The following TMEM9 variants were observed in gnomAD, a reference collection of about 807,000 sequenced individuals.
TMEM9 encodes transmembrane protein 9.
In TMEM9, 13 loss-of-function variants were observed where a neutral mutation model predicts 22.8. The observed-to-expected ratio is 0.57, with a 90% CI of 0.37 to 0.91. The LOEUF is 0.91. Ranked by LOEUF, TMEM9 falls within the 40% of genes least tolerant of loss-of-function variation. The probability of loss-of-function intolerance (pLI) is 0.01; values close to 1 mark genes in which losing one functional copy is unlikely to be tolerated. For synonymous variants in TMEM9, 88 were observed against 93.0 expected (o/e 0.95, Z 0.31); for missense variants, 182 against 238.1 (o/e 0.76, Z 1.55).
rs1229357450 is a variant in TMEM9 at position 201,135,639 on chromosome 1, C to A, written c.*24G>T. 1.9e-6 allele frequency: 3 copies of A among 1,586,502 alleles called. No individual in the cohort carries two copies. Among genetic ancestry groups the A allele is most frequent in the East Asian group, 2.3e-5 (1 of 43,584 alleles). ...AAGCTGGCAGCCATGGTGTTGGGGC[C>A]TTGACCCAACCACACCAGCCCATCT... On this transcript the variant is annotated 3_prime_UTR_variant, in exon 5 of 5. Transcript: ENST00000367330.
chr1:201,139,916 C>T (rs1204361326), intron 4 of TMEM9, among the ~76,000 whole-genome samples: 6 of 152,256 alleles, frequency 3.9e-5, no homozygotes, highest in Non-Finnish European at 7.3e-5. Context: ...TGCTGTGCTG[C>T]CCCACTGGAG....
At chr1:201,143,067 G>A (rs1664668471) in intron 4 of TMEM9, among the ~76,000 whole-genome samples, 1 of 152,244 alleles carries the variant, frequency 6.6e-6, no homozygotes, top group South Asian at 2.1e-4. Flanking sequence ...GACAGCGCTT[G>A]TTAACTGCAC....
chr1:201,150,692 G>A (rs1400292292), intron 2 of TMEM9, among the ~76,000 whole-genome samples: 1 of 152,200 alleles, frequency 6.6e-6, no homozygotes, highest in African/African-American at 2.4e-5. Context: ...AAATTCTCGA[G>A]TGTTGCTCTG....
chr1:201,160,723 T>G (rs1665921490), intron 1 of TMEM9, among the ~76,000 whole-genome samples: 1 of 152,016 alleles, frequency 6.6e-6, no homozygotes, highest in Middle Eastern at 3.4e-3. Context: ...GATCACGAAG[T>G]CAGGAGATCG....
intron 4 of TMEM9, among the ~76,000 whole-genome samples, chr1:201,137,099 G>A (rs1664064868): frequency 6.6e-6 from 1 of 152,254 alleles, no homozygotes; most frequent in East Asian, 1.9e-4. Flanking sequence ...CCTTCTGGGA[G>A]CCTCCCGCCC....
upstream of TMEM9, among the ~76,000 whole-genome samples, chr1:201,155,004 C>T (rs765998980): frequency 3.9e-4 from 60 of 152,258 alleles, no homozygotes; most frequent in Admixed American, 1.3e-4. Context: ...TCAGCCTGAT[C>T]CCCCTACCCC....
chr1:201,156,392 A>C (rs984120089), upstream of TMEM9, among the ~76,000 whole-genome samples: 2 of 151,948 alleles, frequency 1.3e-5, no homozygotes, highest in Non-Finnish European at 2.9e-5. Context: ...TCTTCCTCCA[A>C]TTCTGTTTTC....
At chr1:201,167,047 A>G (rs1666095274) in intron 1 of TMEM9, among the ~76,000 whole-genome samples, 2 of 152,158 alleles carry the variant, frequency 1.3e-5, no homozygotes, top group South Asian at 4.1e-4. Context: ...ATAGAGATGT[A>G]TTTTTTTATT....
intron 2 of TMEM9, among the ~76,000 whole-genome samples, chr1:201,150,054 C>A (rs531424535): frequency 1.1e-4 from 17 of 152,310 alleles, no homozygotes; most frequent in African/African-American, 3.6e-4. Context: ...GACAGGACTC[C>A]GTCCTCTGCA....
At chr1:201,150,190 A>AC (rs1427582305) in intron 2 of TMEM9, among the ~76,000 whole-genome samples, 1 of 152,194 alleles carries the variant, frequency 6.6e-6, no homozygotes, top group Non-Finnish European at 1.5e-5. Flanking sequence ...AAGGGCTAAG[A>AC]CAGCCCATCT....
intron 2 of TMEM9, among the ~76,000 whole-genome samples, chr1:201,148,801 C>CT (rs1407213113): frequency 6.6e-6 from 1 of 152,264 alleles, no homozygotes; most frequent in Non-Finnish European, 1.5e-5. Context: ...AGTTCCACCT[C>CT]TGTGTCCAAC....
Position 201,138,527 on chromosome 1 carries a change from C to T in TMEM9, c.400-2712G>A, listed in dbSNP as rs115043820. ...CCCTCTCCCTCTGAGGCTGGGCCTC[C>T]GGTTAACTCGGGAGCAGAAGGGCAG... is the stretch of plus-strand genomic sequence containing the variant. On this transcript the variant is annotated intron_variant, in intron 4 of 4. Coordinates refer to ENST00000367330, the MANE Select transcript of TMEM9 (RefSeq NM_001288565.2). 5.8e-3 allele frequency among the ~76,000 whole-genome samples: 878 copies of T among 152,272 alleles called. 15 individuals are homozygous for T. Among genetic ancestry groups the T allele is most frequent in the African/African-American group, 0.02 (841 of 41,550 alleles).
rs570715820 is a variant in TMEM9, at chr1:201,161,950, G to C, written c.-36-7991C>G. Reference sequence around the variant, plus strand: ...AAGAGAACTTCAAGTTACTAAAATAGATAAGGGGCATTTTTGCTGAAAATT... The same window carrying C: ...AAGAGAACTTCAAGTTACTAAAATACATAAGGGGCATTTTTGCTGAAAATT... On this transcript the variant is annotated intron_variant, in intron 1 of 5. Coordinates refer to the TMEM9 transcript ENST00000367333. Among the ~76,000 whole-genome samples, 3 of 152,306 alleles carry C rather than the reference G, an allele frequency of 2.0e-5. 1 individual carries two copies. The highest frequency in any genetic ancestry group is 2.1e-4 in the South Asian group (1 of 4,816).
chr1:201,141,284 C>T (rs1479115564), intron 4 of TMEM9, among the ~76,000 whole-genome samples: 1 of 152,204 alleles, frequency 6.6e-6, no homozygotes, highest in Non-Finnish European at 1.5e-5. Flanking sequence ...CTTAAACCCC[C>T]GAGGGCAGAC....
In TMEM9 at chr1:201,143,829, C is replaced by T. The variant is rs1161876509; in HGVS notation, c.390G>A (p.Glu130=). 3.7e-6 allele frequency: 6 copies of T among 1,613,978 alleles called. No homozygotes were observed. In the South Asian group the frequency reaches 4.4e-5, roughly 12 times the overall value. The change falls in exon 4 of 5, where the codon GAG becomes GAA. Residue 130 remains glutamate (E), a synonymous_variant. Coordinates refer to ENST00000367330, the MANE Select transcript of TMEM9 (RefSeq NM_001288565.2). ...DAYTEQLHNE[E]ENEDARSMAA... ...CTCAAAGCCCTCTTACCTCATTCTC[C>T]TCCTCATTGTGCAGTTGCTCAGTAT...
At chr1:201,157,155 A>G (rs1215718156), upstream of TMEM9, among the ~76,000 whole-genome samples, 1 of 152,196 alleles carries the variant, frequency 6.6e-6, no homozygotes, top group Non-Finnish European at 1.5e-5. Context: ...GGGGTTTTAT[A>G]GATGAGCTAG....
At chr1:201,154,655 C>T (rs1260430928), upstream of TMEM9, among the ~76,000 whole-genome samples, 1 of 152,202 alleles carries the variant, frequency 6.6e-6, no homozygotes, top group Non-Finnish European at 1.5e-5. Context: ...CTTCCAAACT[C>T]CTGGGGAAGG....
chr1:201,142,444 A>T (rs935930090), intron 4 of TMEM9, among the ~76,000 whole-genome samples: 1 of 152,226 alleles, frequency 6.6e-6, no homozygotes, highest in Non-Finnish European at 1.5e-5. Flanking sequence ...CGCTGTCTAC[A>T]GGAAGACTCC....
intron 2 of TMEM9, among the ~76,000 whole-genome samples, chr1:201,148,763 A>C (rs530479140): frequency 6.6e-6 from 1 of 152,250 alleles, no homozygotes; most frequent in African/African-American, 2.4e-5. Context: ...TGTGGCATAC[A>C]TGAGTTTATC....
Sources: gnomAD v4.1 joint callset for allele counts (sites outside exome capture counted in the v4.1 genomes callset) on GRCh38, gnomAD v4.1.1 for gene constraint, MANE v1.5 for transcripts, NCBI Gene and HGNC (gene_info 2026-07-23, HGNC 2026-07-21) for gene names.